The following ROBO2 variants were observed in gnomAD, a reference collection of about 807,000 sequenced individuals.
ROBO2 encodes the protein roundabout guidance receptor 2, also known as roundabout homolog 2.
Under a neutral mutation model 160.8 loss-of-function variants are expected in ROBO2, and 53 were observed. The observed-to-expected ratio is 0.33, with a 90% confidence interval of 0.26 to 0.41. ROBO2 has a LOEUF of 0.41. ROBO2 is among the 10% of genes least tolerant of loss of function. The pLI is 1.00. For synonymous variants in ROBO2, 664 were observed against 611.7 expected, an observed-to-expected ratio of 1.09 and a Z score of -1.26; for missense variants, 1,577 against 1,722.4, an observed-to-expected ratio of 0.92 and a Z score of 1.49.
At position 76,631,360 on chromosome 3, in the gene ROBO2, C is replaced by G. The variant is rs77677123; in HGVS notation, c.110-466654C>G. On this transcript the variant is annotated intron_variant, in intron 2 of 26. Coordinates refer to the ROBO2 transcript ENST00000487694. ...TTTGTTGGCGTTAAAATGCGGGAGC[C>G]TCTGGTAAAGATTCCCTTGCTTGGA... 4.5e-3 allele frequency among the ~76,000 whole-genome samples: 677 copies of G among 151,976 alleles called. 2 individuals carry two copies. Among genetic ancestry groups the G allele is most frequent in the Non-Finnish European group, 8.4e-3 (568 of 67,980 alleles).
chr3:76,003,306 T>C (rs778434117), intron 2 of ROBO2, among the ~76,000 whole-genome samples: 102 of 152,168 alleles, frequency 6.7e-4, no homozygotes, highest in South Asian at 4.1e-4. Flanking sequence ...CAAAAGTACA[T>C]AGACAGGCTC....
chr3:77,442,486 G>A (rs185395347), intron 2 of ROBO2, among the ~76,000 whole-genome samples: 3 of 152,158 alleles, frequency 2.0e-5, no homozygotes, highest in Admixed American at 6.5e-5. Flanking sequence ...TGGCAGAGCT[G>A]TATCATATAA....
intron 2 of ROBO2, among the ~76,000 whole-genome samples, chr3:76,360,923 G>T (rs2075478603): frequency 6.6e-6 from 1 of 151,942 alleles, no homozygotes; most frequent in Non-Finnish European, 1.5e-5. Flanking sequence ...ACTTTGTGAG[G>T]ATATAGTGAA....
At chr3:76,469,576 CTTA>C (rs1403661143) in intron 2 of ROBO2, among the ~76,000 whole-genome samples, 1 of 152,024 alleles carries the variant, frequency 6.6e-6, no homozygotes, top group Non-Finnish European at 1.5e-5. Context: ...CTTTGCAATA[CTTA>C]TTATCCCTTT....
At chr3:77,093,405 T>C (rs1469470700) in intron 1 of ROBO2, among the ~76,000 whole-genome samples, 1 of 152,024 alleles carries the variant, frequency 6.6e-6, no homozygotes, top group African/African-American at 2.4e-5. Flanking sequence ...ACAACTCAGC[T>C]TTATTTTTTG....
intron 2 of ROBO2, among the ~76,000 whole-genome samples, chr3:76,640,539 T>TAATTAATA (rs1553849097): frequency 6.9e-6 from 1 of 144,524 alleles, no homozygotes; most frequent in African/African-American, 2.6e-5. Flanking sequence ...GTCTCAAAAA[T>TAATTAATA]AATAAATAAA....
At chr3:75,987,617 T>C (rs932065222) in intron 2 of ROBO2, among the ~76,000 whole-genome samples, 13 of 151,976 alleles carry the variant, frequency 8.6e-5, no homozygotes, top group Admixed American at 2.0e-4. Context: ...GTATGCCTCA[T>C]TGTCTTGTTC....
chr3:76,944,924 T>C (rs529419330), intron 2 of ROBO2, among the ~76,000 whole-genome samples: 4 of 152,048 alleles, frequency 2.6e-5, no homozygotes, highest in Middle Eastern at 6.8e-3. Context: ...AGTCTCGCTC[T>C]GTTGCCCAGG....
At chr3:77,312,221 T>C (rs1379537351) in intron 2 of ROBO2, among the ~76,000 whole-genome samples, 1 of 152,190 alleles carries the variant, frequency 6.6e-6, no homozygotes, top group Non-Finnish European at 1.5e-5. Flanking sequence ...AGATACTACA[T>C]AAATAAAAAC....
At chr3:76,706,032 C>T (rs1342454995) in intron 2 of ROBO2, among the ~76,000 whole-genome samples, 3 of 152,002 alleles carry the variant, frequency 2.0e-5, no homozygotes, top group Non-Finnish European at 4.4e-5. Flanking sequence ...TTTCTAGTCA[C>T]AGTGTAAACA....
chr3:76,513,447 C>T (rs774300264), intron 2 of ROBO2, among the ~76,000 whole-genome samples: 1 of 152,084 alleles, frequency 6.6e-6, no homozygotes, highest in Non-Finnish European at 1.5e-5. Flanking sequence ...CCACCTCCTT[C>T]CTGGGTTCAA....
intron 2 of ROBO2, among the ~76,000 whole-genome samples, chr3:77,230,024 G>A (rs1455910905): frequency 6.6e-6 from 1 of 152,108 alleles, no homozygotes; most frequent in Non-Finnish European, 1.5e-5. Flanking sequence ...GCTTTATTAA[G>A]TGATTTTCTC....
intron 1 of ROBO2, among the ~76,000 whole-genome samples, chr3:75,928,368 A>G (rs543576315): frequency 6.6e-6 from 1 of 152,344 alleles, no homozygotes; most frequent in Non-Finnish European, 1.5e-5. Context: ...ACACCTATCC[A>G]TAGTGCAGAC....
At chr3:77,059,132 G>A (rs1256229123) in intron 1 of ROBO2, among the ~76,000 whole-genome samples, 1 of 152,068 alleles carries the variant, frequency 6.6e-6, no homozygotes, top group Non-Finnish European at 1.5e-5. Context: ...TTTGTGCCTG[G>A]AGAACTCCCT....
At chr3:77,263,937 A>G (rs980104022) in intron 2 of ROBO2, among the ~76,000 whole-genome samples, 2 of 151,690 alleles carry the variant, frequency 1.3e-5, no homozygotes, top group Non-Finnish European at 2.9e-5. Context: ...GATGTAAAAT[A>G]AACTGTTGTG....
chr3:77,136,729 C>CT (rs958854757), intron 2 of ROBO2, among the ~76,000 whole-genome samples: 14 of 151,642 alleles, frequency 9.2e-5, no homozygotes, highest in African/African-American at 3.4e-4. Flanking sequence ...CTCCATCTCC[C>CT]TGGTTCAAGT....
chr3:76,636,288 G>C (rs1445226073), intron 2 of ROBO2, among the ~76,000 whole-genome samples: 1 of 152,202 alleles, frequency 6.6e-6, no homozygotes, highest in Admixed American at 6.5e-5. Flanking sequence ...TTAAAAGCAA[G>C]TGATAAGAAT....
intron 2 of ROBO2, among the ~76,000 whole-genome samples, chr3:75,953,210 T>A (rs182500007): frequency 1.3e-5 from 2 of 151,960 alleles, no homozygotes; most frequent in Non-Finnish European, 2.9e-5. Flanking sequence ...CCAAAGTAGC[T>A]GTACTATTCT....
chr3:76,936,207 A>G (rs1438913689), intron 2 of ROBO2, among the ~76,000 whole-genome samples: 1 of 138,200 alleles, frequency 7.2e-6, no homozygotes, highest in Non-Finnish European at 1.5e-5. Context: ...TGGTTTCATT[A>G]AAAAAAAAAT....
Sources: allele counts gnomAD v4.1 joint callset (sites outside exome capture counted in the v4.1 genomes callset), GRCh38; gene constraint gnomAD v4.1.1; transcripts MANE v1.5; gene names NCBI Gene and HGNC (gene_info 2026-07-23, HGNC 2026-07-21).